Variants in ADGRE1 observed in about 807,000 individuals in gnomAD.
ADGRE1 encodes EGF-like module receptor 1.
In ADGRE1, 82 loss-of-function variants were observed where a neutral mutation model predicts 102.7. The ratio of observed to expected loss-of-function variants is 0.80; its 90% confidence interval spans 0.67 to 0.96. The LOEUF (loss-of-function observed/expected upper bound fraction) is 0.96. Among genes scored for constraint, ADGRE1 ranks in the 40% least tolerant of loss-of-function variants. The pLI is 0.00. For missense variants in ADGRE1, 1,032 were observed against 1,085.3 expected (o/e 0.95, Z 0.69); for synonymous variants, 398 against 399.6 (o/e 1.00, Z 0.05).
chr19:6,898,796 C>T (rs1973664615), intron 5 of ADGRE1: 6 of 468,278 alleles, frequency 1.3e-5, no homozygotes, highest in South Asian at 4.8e-5. Flanking sequence ...AATTGGGGCT[C>T]AGAGAGGTAA....
intron 8 of ADGRE1, among the ~76,000 whole-genome samples, chr19:6,905,884 T>C (rs391020): frequency 0.42 from 64,604 of 152,014 alleles, 16,103 homozygotes; most frequent in African/African-American, 0.69. Context: ...TTCTTCTCCA[T>C]TCTATCTCCT....
At chr19:6,896,368 T>C in intron 2 of ADGRE1, 30 bp from the exon 3 acceptor site, 1 of 1,610,062 alleles carries the variant, frequency 6.2e-7, no homozygotes, top group Non-Finnish European at 8.5e-7. Context: ...GCTCTAATCT[T>C]GTCTAAACTT....
intron 8 of ADGRE1, among the ~76,000 whole-genome samples, chr19:6,904,727 C>A (rs529269111): frequency 6.6e-6 from 1 of 151,988 alleles, no homozygotes; most frequent in African/African-American, 2.4e-5. Context: ...AGGATGGTCT[C>A]GATCTACTGA....
chr19:6,890,580 G>T (rs780229609), intron 2 of ADGRE1, 37 bp downstream of exon 2: 6 of 1,597,814 alleles, frequency 3.8e-6, no homozygotes, highest in Non-Finnish European at 5.1e-6. Flanking sequence ...GCCTGAAGGG[G>T]TAGAGAAAGT....
At chr19:6,914,668 T>C (rs1303538437) in intron 11 of ADGRE1, among the ~76,000 whole-genome samples, 3 of 152,206 alleles carry the variant, frequency 2.0e-5, no homozygotes, top group African/African-American at 7.2e-5. Context: ...ATGAATCTCA[T>C]ATTTTAGTGA....
chr19:6,915,879 C>A lies in ADGRE1; in HGVS notation c.1301-370C>A, dbSNP rs192364371. On this transcript the variant is annotated intron_variant, in intron 11 of 20. Coordinates refer to ENST00000312053, the MANE Select transcript of ADGRE1 (RefSeq NM_001974.5). ...GAGCTTGCAGTGAGCCGAGATCGTG[C>A]CACTGCACACCAGCCTAAGTGACAG... Among the ~76,000 whole-genome samples, 175 of 144,696 alleles carry A rather than the reference C, an allele frequency of 1.2e-3. 3 individuals carry two copies. In the East Asian group the frequency reaches 0.03, roughly 24 times the overall value. The allele number at this position is 144,696 out of a possible 152,430, so 94.9% of individuals were successfully genotyped here. A position where few individuals can be genotyped will look rare whatever the true frequency, so the allele number is the denominator to read the frequency against.
intron 12 of ADGRE1, among the ~76,000 whole-genome samples, chr19:6,917,677 C>A (rs553433441): frequency 4.8e-5 from 7 of 146,294 alleles, no homozygotes; most frequent in Admixed American, 1.4e-4. Context: ...GAGGTGGAGG[C>A]TGCAGTGAGC....
At chr19:6,922,216 G>A (rs1343023675) in intron 14 of ADGRE1, among the ~76,000 whole-genome samples, 1 of 152,162 alleles carries the variant, frequency 6.6e-6, no homozygotes, top group African/African-American at 2.4e-5. Context: ...GGGTAAAGTG[G>A]CCCGTCTAGT....
intron 1 of ADGRE1, 106 bp downstream of exon 1, chr19:6,887,745 G>A: frequency 8.1e-7 from 1 of 1,233,120 alleles, no homozygotes; most frequent in Non-Finnish European, 1.1e-6. Context: ...CATAAGTCCA[G>A]ACTGGATGCT....
In ADGRE1 at chr19:6,911,385, G is replaced by GTTTTTTTTTTTTTTTTT. The variant is rs772959056; in HGVS notation, c.1123-2264_1123-2248dup. 5.5e-4 allele frequency among the ~76,000 whole-genome samples: 44 copies of GTTTTTTTTTTTTTTTTT among 79,842 alleles called. 3 individuals are homozygous for GTTTTTTTTTTTTTTTTT. Among genetic ancestry groups the GTTTTTTTTTTTTTTTTT allele is most frequent in the South Asian group, 1.1e-3 (2 of 1,780 alleles). The allele number at this position is 79,842 out of a possible 152,430, so 52.4% of individuals were successfully genotyped here. ...TTTATTAGGTTCTGGATTCCTTTTA[G>GTTTTTTTTTTTTTTTTT]TTTTTTTTTTTTTTTTTTTTGCTTG... is the stretch of plus-strand genomic sequence containing the variant. On this transcript the variant is annotated intron_variant, in intron 10 of 20. Transcript: ENST00000312053.
intron 6 of ADGRE1, among the ~76,000 whole-genome samples, chr19:6,902,952 G>C (rs553966372): frequency 1.2e-4 from 18 of 152,186 alleles, no homozygotes; most frequent in Non-Finnish European, 1.9e-4. Flanking sequence ...AGCTCACAAG[G>C]GTTCTTGGCT....
At chr19:6,914,227 G>A (rs565817752) in intron 11 of ADGRE1, among the ~76,000 whole-genome samples, 21 of 152,282 alleles carry the variant, frequency 1.4e-4, no homozygotes, top group South Asian at 1.0e-3. Context: ...TGGGAATAGA[G>A]TAGTTGCAGG....
At chr19:6,921,910 G>A in intron 14 of ADGRE1, 27 bp downstream of exon 14, 1 of 1,580,846 alleles carries the variant, frequency 6.3e-7, no homozygotes, top group Non-Finnish European at 8.6e-7. Context: ...TGTTCCCTGA[G>A]GCAGAGTATC....
In ADGRE1 at chr19:6,897,478, G is replaced by A. The variant is rs1410466874; in HGVS notation, c.445G>A (p.Val149Ile). 9 of 1,599,792 alleles carry A rather than the reference G, an allele frequency of 5.6e-6. No individual in the cohort carries two copies. The highest frequency in any genetic ancestry group is 6.0e-6 in the Non-Finnish European group (7 of 1,174,906). Residue 149 changes from valine to isoleucine, a missense_variant, in exon 5 of 21, where the codon GTC becomes ATC. Transcript: ENST00000312053. ...SSVCPEHSDCVNSMGSYSCSC... is the reference protein window; with the variant it reads ...SSVCPEHSDCINSMGSYSCSC... Reference sequence around the variant, plus strand: ...CGTCTGCCCTGAGCATTCTGACTGTGTCAACTCCATGGGAAGCTACAGTTG... The same window carrying A: ...CGTCTGCCCTGAGCATTCTGACTGTATCAACTCCATGGGAAGCTACAGTTG...
chr19:6,935,180 C>A, intron 18 of ADGRE1, 102 bp downstream of exon 18: 1 of 781,098 alleles, frequency 1.3e-6, no homozygotes, highest in Non-Finnish European at 1.9e-6. Flanking sequence ...ATGCCTGAGA[C>A]AGAGGTGATG....
intron 17 of ADGRE1, among the ~76,000 whole-genome samples, chr19:6,934,117 G>A (rs1034599446): frequency 6.6e-6 from 1 of 152,144 alleles, no homozygotes; most frequent in African/African-American, 2.4e-5. Context: ...AAGGCAGGCA[G>A]AGAAGTGGGG....
intron 10 of ADGRE1, among the ~76,000 whole-genome samples, chr19:6,911,172 C>A (rs925521259): frequency 5.3e-5 from 8 of 152,082 alleles, no homozygotes; most frequent in African/African-American, 1.9e-4. Context: ...GATTACAGAG[C>A]TCAGGGCTTC....
chr19:6,915,842 A>G (rs1448785837), intron 11 of ADGRE1, among the ~76,000 whole-genome samples: 1 of 136,930 alleles, frequency 7.3e-6, no homozygotes, highest in Non-Finnish European at 1.5e-5. Context: ...AATGGCGTGA[A>G]CCCGGGAGGC....
chr19:6,931,921 C>T (rs932389785), intron 17 of ADGRE1, among the ~76,000 whole-genome samples: 5 of 151,370 alleles, frequency 3.3e-5, no homozygotes, highest in Non-Finnish European at 7.4e-5. Context: ...CTTGGGGCGC[C>T]TGGCCCCAAC....
Sources: allele counts gnomAD v4.1 joint callset (sites outside exome capture counted in the v4.1 genomes callset), GRCh38; gene constraint gnomAD v4.1.1; transcripts MANE v1.5; gene names NCBI Gene and HGNC (gene_info 2026-07-23, HGNC 2026-07-21).